Variants in ARF4 observed in about 807,000 individuals in gnomAD.
ARF4 encodes ADP-ribosylation factor 4.
ARF4 carries 5 observed loss-of-function variants against 24.3 expected under a neutral mutation model. The ratio of observed to expected loss-of-function variants is 0.21; its 90% CI spans 0.11 to 0.43. The LOEUF (loss-of-function observed/expected upper bound fraction) is 0.43, where lower values mean the gene tolerates loss of function less well. Among genes scored for constraint, ARF4 ranks in the 20% least tolerant of loss-of-function variants. The pLI is 1.00. For synonymous variants in ARF4, 62 were observed against 73.5 expected, an observed-to-expected ratio of 0.84 and a Z score of 0.80; for missense variants, 107 against 213.0, an observed-to-expected ratio of 0.50 and a Z score of 3.10.
Position 57,572,278 on chromosome 3 carries a change from A to C in ARF4, c.477T>G (p.Cys159Trp). Residue 159 changes from cysteine (C) to tryptophan (W), a missense_variant, in exon 6 of 6, where the codon TGT (cysteine) becomes TGG (tryptophan). Transcript: ENST00000303436. ...CATACAGACCAGTTCCTTGTGTTGC[A>C]CAAGTGGCTTGAACATACCACTGTA... ...RNRTWYVQATCATQGTGLYEG... is the reference protein window; with the variant it reads ...RNRTWYVQATWATQGTGLYEG... The C allele has an allele frequency of 9.9e-6, 16 of 1,614,050 alleles. No individual in the cohort carries two copies. The highest frequency in any genetic ancestry group is 2.2e-5 in the East Asian group (1 of 44,874).
At chr3:57,590,597 T>C (rs1223970034) in intron 1 of ARF4, among the ~76,000 whole-genome samples, 4 of 152,182 alleles carry the variant, frequency 2.6e-5, no homozygotes, top group Non-Finnish European at 5.9e-5. Context: ...GATAAAAAGA[T>C]TTTTCATGTT....
At chr3:57,593,721 A>G (rs2070141800) in intron 1 of ARF4, among the ~76,000 whole-genome samples, 1 of 152,206 alleles carries the variant, frequency 6.6e-6, no homozygotes, top group Non-Finnish European at 1.5e-5. Flanking sequence ...TCATGGATCA[A>G]GATACAGAAA....
chr3:57,584,471 GA>G lies in ARF4; in HGVS notation c.68-8del. 10 of 1,609,280 alleles carry G rather than the reference GA, an allele frequency of 6.2e-6. No individual in the cohort carries two copies. The highest frequency in any genetic ancestry group is 8.5e-6 in the Non-Finnish European group (10 of 1,176,156). ...CCAGCAGCATCCAATCCAACTAGAA[GA>G]AGACATTATAGATTTAAAATCCAGA... On this transcript the variant is annotated splice_polypyrimidine_tract_variant and splice_region_variant and intron_variant, in intron 1 of 5. Transcript: ENST00000303436.
intron 1 of ARF4, among the ~76,000 whole-genome samples, chr3:57,589,102 C>CA (rs58218892): frequency 2.2e-4 from 31 of 142,500 alleles, no homozygotes; most frequent in African/African-American, 6.3e-4. Flanking sequence ...AACTCCGTCT[C>CA]AAAAAAAAAA....
chr3:57,573,401 CT>C (rs2069863804), intron 5 of ARF4, among the ~76,000 whole-genome samples: 1 of 152,062 alleles, frequency 6.6e-6, no homozygotes, highest in Admixed American at 6.5e-5. Flanking sequence ...GCATAGTTTA[CT>C]TTTATTAATT....
In ARF4 at chr3:57,597,129, A is replaced by G; in HGVS notation, c.12T>C (p.Thr4=). Residue 4 remains threonine, a synonymous_variant, in exon 1 of 6, where the codon ACT becomes ACC. Coordinates refer to ENST00000303436, the MANE Select transcript of ARF4 (RefSeq NM_001660.4). ...ATAGTCGGGAGAAGAGGGAGGAGAT[A>G]GTGAGGCCCATGGCGGTAGTGGCAC... MGL[T]ISSLFSRLFG... is the part of the protein sequence containing the mutation. The G allele has an allele frequency of 1.9e-6, 3 of 1,614,132 alleles. No individual in the cohort carries two copies. Among genetic ancestry groups the G allele is most frequent in the Non-Finnish European group, 1.7e-6 (2 of 1,179,966 alleles).
At chr3:57,587,618 AT>A (rs1397591759) in intron 1 of ARF4, among the ~76,000 whole-genome samples, 1 of 152,028 alleles carries the variant, frequency 6.6e-6, no homozygotes, top group East Asian at 1.9e-4. Flanking sequence ...GGCTGTTTAC[AT>A]TTCCTGATGT....
rs1575778471 is a variant in ARF4, at chr3:57,572,108, C to G, written c.*104G>C. The G allele has an allele frequency of 1.2e-6, 1 of 843,770 alleles. No homozygotes were observed. Among genetic ancestry groups the G allele is most frequent in the East Asian group, 2.5e-5 (1 of 40,650 alleles). 52.3% of individuals were successfully genotyped at this position (843,770 alleles called of 1,614,324 possible). A position where few individuals can be genotyped will look rare whatever the true frequency, so the allele number is the denominator to read the frequency against. On this transcript the variant is annotated 3_prime_UTR_variant, in exon 6 of 6. Coordinates refer to ENST00000303436, the MANE Select transcript of ARF4 (RefSeq NM_001660.4). Reference sequence around the variant, plus strand: ...AAATAAGTTTAATATTCTGCCCAAACCAGTCCCAGATACTGTTTAATAACC... The same window carrying G: ...AAATAAGTTTAATATTCTGCCCAAAGCAGTCCCAGATACTGTTTAATAACC...
intron 1 of ARF4, among the ~76,000 whole-genome samples, chr3:57,590,443 G>A (rs1170425702): frequency 6.6e-6 from 1 of 152,030 alleles, no homozygotes; most frequent in African/African-American, 2.4e-5. Flanking sequence ...CCGAGATTGC[G>A]CCACTGCACT....
intron 3 of ARF4, among the ~76,000 whole-genome samples, chr3:57,581,080 GA>G (rs1303166059): frequency 1.3e-5 from 2 of 152,172 alleles, no homozygotes; most frequent in African/African-American, 4.8e-5. Context: ...GAAATTATTT[GA>G]AAAGCCAAAT....
Position 57,572,203 on chromosome 3 carries a change from C to A in ARF4, c.*9G>T. The A allele has an allele frequency of 6.2e-7, 1 of 1,608,856 alleles. No individual in the cohort carries two copies. The highest frequency in any genetic ancestry group is 8.5e-7 in the Non-Finnish European group (1 of 1,175,474). ...TCAAACATGTCCTTGGTTAGATATC[C>A]AATTTCATTTAACGTTTTGAAAGCT... On this transcript the variant is annotated 3_prime_UTR_variant, in exon 6 of 6. Transcript: ENST00000303436.
At chr3:57,584,095 T>C in intron 2 of ARF4, 88 bp from the exon 3 acceptor site, 1 of 909,576 alleles carries the variant, frequency 1.1e-6, no homozygotes, top group Non-Finnish European at 1.7e-6. Context: ...ATAGTGTTTT[T>C]AAAGTACTTC....
rs376750506 is a variant in ARF4, at chr3:57,576,504, C to CTTTT, written c.330+808_330+811dup. 5.1e-3 allele frequency among the ~76,000 whole-genome samples: 522 copies of CTTTT among 101,584 alleles called. 8 individuals are homozygous for CTTTT. The highest frequency in any genetic ancestry group is 0.017 in the African/African-American group (462 of 26,672). 66.6% of individuals were successfully genotyped at this position (101,584 alleles called of 152,430 possible). A position where few individuals can be genotyped will look rare whatever the true frequency, so the allele number is the denominator to read the frequency against. On this transcript the variant is annotated intron_variant, in intron 4 of 5. Coordinates refer to ENST00000303436, the MANE Select transcript of ARF4 (RefSeq NM_001660.4). ...GTGTGTGAAGTATGTCTCAACCAAG[C>CTTTT]TTTTTTTTTTTTTTTTTTTTTTGAA...
At chr3:57,574,512 C>A (rs2069880141) in intron 5 of ARF4, among the ~76,000 whole-genome samples, 1 of 150,488 alleles carries the variant, frequency 6.6e-6, no homozygotes, top group Non-Finnish European at 1.5e-5. Flanking sequence ...TGGGTTCAAA[C>A]AGTCCTCCCA....
intron 1 of ARF4, among the ~76,000 whole-genome samples, chr3:57,593,304 C>G (rs763510283): frequency 6.6e-6 from 1 of 152,044 alleles, no homozygotes; most frequent in Non-Finnish European, 1.5e-5. Flanking sequence ...TACCTGTTTT[C>G]TAAATGTAAC....
chr3:57,586,442 C>A (rs2070037773), intron 1 of ARF4, among the ~76,000 whole-genome samples: 1 of 152,210 alleles, frequency 6.6e-6, no homozygotes, highest in African/African-American at 2.4e-5. Flanking sequence ...AGGCTACAGG[C>A]AATTCTGATT....
intron 3 of ARF4, 121 bp from the exon 4 acceptor site, chr3:57,577,508 A>T (rs1160358545): frequency 4.0e-6 from 3 of 745,690 alleles, no homozygotes; most frequent in East Asian, 5.1e-5. Context: ...CTTTAAAAGT[A>T]AGAACTTAAG....
chr3:57,574,376 G>A (rs1340702445), intron 5 of ARF4, among the ~76,000 whole-genome samples: 1 of 150,908 alleles, frequency 6.6e-6, no homozygotes, highest in Non-Finnish European at 1.5e-5. Context: ...CTGAATCACT[G>A]ATCAATGATA....
rs2069843083 is a variant in ARF4 at position 57,571,511 on chromosome 3, A to T, written c.*701T>A. 1 of 152,668 alleles carries T rather than the reference A, an allele frequency of 6.6e-6. No homozygotes were observed. The highest frequency in any genetic ancestry group is 1.5e-5 in the Non-Finnish European group (1 of 68,074). The allele number at this position is 152,668 out of a possible 1,614,324, so 9.5% of individuals were successfully genotyped here. ...TCAGCAGAACTATCATATACTGAGC[A>T]AAAAATCAGGCTGATAACAAAAGCA... On this transcript the variant is annotated 3_prime_UTR_variant, in exon 6 of 6. Transcript: ENST00000303436.
Sources: allele counts gnomAD v4.1 joint callset (sites outside exome capture counted in the v4.1 genomes callset), GRCh38; gene constraint gnomAD v4.1.1; transcripts MANE v1.5; gene names NCBI Gene and HGNC (gene_info 2026-07-23, HGNC 2026-07-21).